Variants in ANKFN1 observed in about 807,000 individuals in gnomAD.
ANKFN1 encodes ankyrin repeat and fibronectin type-III domain-containing protein 1.
ANKFN1 carries 74 observed loss-of-function variants against 108.7 expected under a neutral mutation model. The ratio of observed to expected loss-of-function variants is 0.68; its 90% CI spans 0.56 to 0.83. ANKFN1 has a LOEUF of 0.83. Ranked by LOEUF, ANKFN1 falls within the 40% of genes least tolerant of loss-of-function variation. ANKFN1 has a pLI of 0.00. For synonymous variants in ANKFN1, 547 were observed against 516.2 expected, an observed-to-expected ratio of 1.06 and a Z score of -0.81; for missense variants, 1,505 against 1,382.3, an observed-to-expected ratio of 1.09 and a Z score of -1.41.
intron 4 of ANKFN1, among the ~76,000 whole-genome samples, chr17:56,128,406 A>G (rs999460905): frequency 6.6e-6 from 1 of 152,206 alleles, no homozygotes; most frequent in Non-Finnish European, 1.5e-5. Flanking sequence ...TGTTTTGATT[A>G]TCAGGAGTGT....
intron 2 of ANKFN1, among the ~76,000 whole-genome samples, chr17:56,222,601 G>A (rs1419867134): frequency 6.6e-6 from 1 of 152,156 alleles, no homozygotes; most frequent in African/African-American, 2.4e-5. Flanking sequence ...GGAATGATCG[G>A]AGAAAAAGAG....
chr17:56,441,039 A>G (rs186060727), intron 9 of ANKFN1, among the ~76,000 whole-genome samples: 2 of 152,338 alleles, frequency 1.3e-5, no homozygotes, highest in East Asian at 3.9e-4. Context: ...TCAAAAGTTA[A>G]TTATTTAGAA....
chr17:56,371,283 A>G, intron 6 of ANKFN1, among the ~76,000 whole-genome samples: 1 of 152,218 alleles, frequency 6.6e-6, no homozygotes, highest in African/African-American at 2.4e-5. Flanking sequence ...AGAAAGAAAA[A>G]GAAAAAAGAC....
chr17:56,451,096 A>G (rs2049469108), intron 11 of ANKFN1, among the ~76,000 whole-genome samples: 2 of 152,344 alleles, frequency 1.3e-5, no homozygotes, highest in South Asian at 4.1e-4. Flanking sequence ...AAGATCAGTG[A>G]TCCAATAATA....
At chr17:56,463,627 T>C (rs150633012) in intron 14 of ANKFN1, among the ~76,000 whole-genome samples, 359 of 152,286 alleles carry the variant, frequency 2.4e-3, no homozygotes, top group Non-Finnish European at 4.0e-3. Flanking sequence ...GCTCTTACAT[T>C]GAAAGGTGTC....
intron 4 of ANKFN1, among the ~76,000 whole-genome samples, chr17:56,134,569 C>A (rs2143362444): frequency 6.6e-6 from 1 of 152,170 alleles, no homozygotes; most frequent in South Asian, 2.1e-4. Context: ...GCTCAAAGAC[C>A]AAATATTAGA....
At chr17:56,076,883 C>A (rs1905188018) in intron 4 of ANKFN1, among the ~76,000 whole-genome samples, 1 of 152,062 alleles carries the variant, frequency 6.6e-6, no homozygotes, top group African/African-American at 2.4e-5. Context: ...ACCAACCTAC[C>A]TTTCCAAAAA....
At chr17:56,195,026 CAG>C (rs1490567238) in intron 1 of ANKFN1, among the ~76,000 whole-genome samples, 7 of 152,270 alleles carry the variant, frequency 4.6e-5, no homozygotes. Context: ...GGAGAAGAAA[CAG>C]AAGACACCTT....
In ANKFN1 at chr17:56,510,700, G is replaced by A. The variant is rs577183088; in HGVS notation, c.2872G>A (p.Glu958Lys). The A allele has an allele frequency of 1.1e-5, 17 of 1,536,126 alleles. No homozygotes were observed. Among genetic ancestry groups the A allele is most frequent in the Middle Eastern group, 1.7e-4 (1 of 5,990 alleles). ...GGGGCCGGGCCAGGATCCCCAGGGC[G>A]AGGGCCCAAATCCCGATCACTCATG... ...PLGPGQDPQG[E>K]GPNPDHSCAE... The change falls in exon 21 of 21, where the codon GAG (glutamate) becomes AAG (lysine). Residue 958 changes from glutamate (E) to lysine (K), a missense_variant. Transcript: ENST00000682825.
At chr17:56,185,291 G>T (rs1912081842) in intron 1 of ANKFN1, among the ~76,000 whole-genome samples, 1 of 152,144 alleles carries the variant, frequency 6.6e-6, no homozygotes, top group Non-Finnish European at 1.5e-5. Flanking sequence ...TCATGTATTT[G>T]TTCTGCATAA....
upstream of ANKFN1, among the ~76,000 whole-genome samples, chr17:56,148,639 G>GA (rs61565642): frequency 2.0e-3 from 290 of 145,648 alleles, no homozygotes; most frequent in African/African-American, 5.7e-3. Context: ...TGTTTAGGAG[G>GA]AAAAAAAAAA....
chr17:56,157,215 G>A (rs1370707771), intron 1 of ANKFN1, among the ~76,000 whole-genome samples: 2 of 152,176 alleles, frequency 1.3e-5, no homozygotes, highest in Admixed American at 6.5e-5. Flanking sequence ...CATGGTACCT[G>A]GGTAGAGAAG....
chr17:56,174,135 G>A, intron 1 of ANKFN1: 1 of 961,774 alleles, frequency 1.0e-6, no homozygotes, highest in South Asian at 4.8e-5. Context: ...GGTGCAGTTG[G>A]GAGGGGAGGG....
chr17:56,155,041 T>C lies in ANKFN1; in HGVS notation c.-71+1511T>C, dbSNP rs76207038. Among the ~76,000 whole-genome samples the C allele has an allele frequency of 8.2e-3, 1,241 of 152,258 alleles. 13 individuals carry two copies. The highest frequency in any genetic ancestry group is 0.028 in the African/African-American group (1,158 of 41,530). On this transcript the variant is annotated intron_variant, in intron 1 of 20. Coordinates refer to ENST00000682825, the MANE Select transcript of ANKFN1 (RefSeq NM_001370326.1). ...GTTATCTAAAGCCTTCATGCCCCCC[T>C]CAACCCTGGGGGATAGGAGGGTTTG...
chr17:56,487,585 T>G (rs1257123016), intron 18 of ANKFN1, among the ~76,000 whole-genome samples: 1 of 152,162 alleles, frequency 6.6e-6, no homozygotes, highest in Non-Finnish European at 1.5e-5. Context: ...TATATTTCAT[T>G]TACTGAGCTT....
chr17:56,216,867 T>C (rs1915462107), intron 2 of ANKFN1, among the ~76,000 whole-genome samples: 1 of 152,156 alleles, frequency 6.6e-6, no homozygotes, highest in Non-Finnish European at 1.5e-5. Context: ...CATGGGATAA[T>C]TAAGCTTACT....
intron 14 of ANKFN1, among the ~76,000 whole-genome samples, chr17:56,465,892 T>C (rs1278506203): frequency 1.3e-5 from 2 of 152,210 alleles, no homozygotes; most frequent in Non-Finnish European, 2.9e-5. Flanking sequence ...ATGTGCTACA[T>C]TGTCAATTCA....
At chr17:56,088,570 C>T (rs1455392267) in intron 4 of ANKFN1, among the ~76,000 whole-genome samples, 1 of 150,928 alleles carries the variant, frequency 6.6e-6, no homozygotes, top group Non-Finnish European at 1.5e-5. Context: ...CCCCATCCCC[C>T]AGTACTGCAT....
chr17:56,163,960 G>T (rs1909916356), intron 1 of ANKFN1, among the ~76,000 whole-genome samples: 1 of 152,104 alleles, frequency 6.6e-6, no homozygotes, highest in African/African-American at 2.4e-5. Context: ...GTGTATTTTG[G>T]TGTTTGTACA....
Sources: allele counts gnomAD v4.1 joint callset (sites outside exome capture counted in the v4.1 genomes callset), GRCh38; gene constraint gnomAD v4.1.1; transcripts MANE v1.5; gene names NCBI Gene and HGNC (gene_info 2026-07-23, HGNC 2026-07-21).